RRM2: variants seen among roughly 807,000 people sequenced by gnomAD.
RRM2 encodes the protein ribonucleoside-diphosphate reductase subunit M2.
Under a neutral mutation model 45.9 loss-of-function variants are expected in RRM2, and 6 were observed. That is an observed-to-expected ratio of 0.13 (90% CI 0.07 to 0.26). The LOEUF (loss-of-function observed/expected upper bound fraction) is 0.26, where lower values mean the gene tolerates loss of function less well. Among genes scored for constraint, RRM2 ranks in the 10% least tolerant of loss-of-function variants. RRM2 has a pLI of 1.00. For synonymous variants in RRM2, 177 were observed against 173.0 expected (o/e 1.02, Z -0.18); for missense variants, 343 against 489.5 (o/e 0.70, Z 2.82).
intron 3 of RRM2, chr2:10,155,261 A>G (rs997112183): frequency 1.5e-5 from 3 of 195,832 alleles, no homozygotes; most frequent in Non-Finnish European, 3.2e-5. Flanking sequence ...GAAAATGGTT[A>G]GATAAATTGC....
intron 3 of RRM2, among the ~76,000 whole-genome samples, chr2:10,159,519 AGG>A (rs1228705214): frequency 6.6e-6 from 1 of 152,202 alleles, no homozygotes; most frequent in Non-Finnish European, 1.5e-5. Context: ...GATCAGACAC[AGG>A]GTCTTTCCAC....
chr2:10,126,185 AAAAAAAAGC>A (rs2125306929), intron 5 of RRM2, among the ~76,000 whole-genome samples: 1 of 40,022 alleles, frequency 2.5e-5, no homozygotes, highest in South Asian at 6.7e-4. Context: ...AAAAAAAAAA[AAAAAAAAGC>A]TGCCCAATGT....
At chr2:10,152,301 T>G (rs968691210) in intron 3 of RRM2, among the ~76,000 whole-genome samples, 1 of 152,140 alleles carries the variant, frequency 6.6e-6, no homozygotes, top group Non-Finnish European at 1.5e-5. Context: ...TTAACAGCTC[T>G]TTATTCTAGT....
chr2:10,132,336 C>G (rs1662917344), downstream of RRM2, among the ~76,000 whole-genome samples: 1 of 152,080 alleles, frequency 6.6e-6, no homozygotes, highest in South Asian at 2.1e-4. Context: ...ATGAGTAGAT[C>G]TGAATTGTTG....
At chr2:10,151,354 G>A (rs1040168340) in intron 3 of RRM2, among the ~76,000 whole-genome samples, 3 of 149,130 alleles carry the variant, frequency 2.0e-5, no homozygotes, top group Non-Finnish European at 4.4e-5. Context: ...CTGGAGTGCA[G>A]TGGTGCGATC....
intron 3 of RRM2, among the ~76,000 whole-genome samples, chr2:10,180,568 C>G (rs4669549): frequency 6.6e-6 from 1 of 151,968 alleles, no homozygotes. Context: ...CTTCTCCCCT[C>G]TGGATGAACC....
At chr2:10,150,987 G>T (rs1663301127) in intron 3 of RRM2, among the ~76,000 whole-genome samples, 1 of 151,486 alleles carries the variant, frequency 6.6e-6, no homozygotes, top group Admixed American at 6.6e-5. Flanking sequence ...CTAATTTTTT[G>T]TATTTTTAGT....
chr2:10,202,314 G>T (rs1664582052), intron 3 of RRM2, among the ~76,000 whole-genome samples: 1 of 152,122 alleles, frequency 6.6e-6, no homozygotes, highest in African/African-American at 2.4e-5. Flanking sequence ...TACATACCTT[G>T]CATGTAAGGA....
Position 10,195,384 on chromosome 2 carries a change from G to A in RRM2, n.483-14927G>A, listed in dbSNP as rs1019021207. 2.0e-5 allele frequency among the ~76,000 whole-genome samples: 3 copies of A among 151,970 alleles called. No individual in the cohort carries two copies. The highest frequency in any genetic ancestry group is 2.9e-5 in the Non-Finnish European group (2 of 67,978). ...AAGAGCGGACACAGGGCCTCTGAGC[G>A]GACAGTGCTGGCGGAGCCCTGGGGA... On this transcript the variant is annotated intron_variant and non_coding_transcript_variant, in intron 3 of 3. Coordinates refer to the RRM2 transcript ENST00000381786. The surrounding 1 kb of genome is among the most constrained non-coding windows in gnomAD (Gnocchi z 4.9).
At chr2:10,177,696 TTC>T (rs1663948955) in intron 3 of RRM2, among the ~76,000 whole-genome samples, 1 of 149,700 alleles carries the variant, frequency 6.7e-6, no homozygotes, top group Non-Finnish European at 1.5e-5. Flanking sequence ...CCTTCCTTCC[TTC>T]CTTCCTTCCT....
chr2:10,139,452 A>G (rs563698390), upstream of RRM2, among the ~76,000 whole-genome samples: 2 of 152,360 alleles, frequency 1.3e-5, no homozygotes, highest in African/African-American at 4.8e-5. Flanking sequence ...GGCATTAAAA[A>G]GAGACTTGTG....
At position 10,169,087 on chromosome 2, in the gene RRM2, C is replaced by T. The variant is rs1299194589; in HGVS notation, n.482+26712C>T. 6.6e-6 allele frequency among the ~76,000 whole-genome samples: 1 copy of T among 152,234 alleles called. No individual in the cohort carries two copies. The highest frequency in any genetic ancestry group is 1.9e-4 in the East Asian group (1 of 5,188). On this transcript the variant is annotated intron_variant and non_coding_transcript_variant, in intron 3 of 3. Transcript: ENST00000381786. The surrounding 1 kb of genome is among the most constrained non-coding windows in gnomAD (Gnocchi z 5.1). ...TCCCAGGCTCAAGCCATCCTTCCAC[C>T]TCAGCCTTCCAAGTAGCTGGGACTA... is the stretch of plus-strand genomic sequence containing the variant.
intron 3 of RRM2, among the ~76,000 whole-genome samples, chr2:10,161,455 G>A (rs902024395): frequency 6.6e-6 from 1 of 152,196 alleles, no homozygotes; most frequent in East Asian, 1.9e-4. Context: ...CCGCGTGCAC[G>A]AGGGGCACAG....
chr2:10,183,454 C>T (rs569431308), intron 3 of RRM2, among the ~76,000 whole-genome samples: 16 of 152,324 alleles, frequency 1.1e-4, no homozygotes, highest in Admixed American at 7.2e-4. Flanking sequence ...TGGGCCAGCC[C>T]GGCTCATCCC....
chr2:10,122,954 G>T (rs370831080), intron 1 of RRM2, 29 bp from the exon 2 acceptor site: 4 of 1,546,466 alleles, frequency 2.6e-6, no homozygotes, highest in Non-Finnish European at 2.6e-6. Flanking sequence ...AAGCGAAGCC[G>T]CTCCTCACTC....
At chr2:10,174,746 A>T (rs1663877424) in intron 3 of RRM2, among the ~76,000 whole-genome samples, 1 of 152,076 alleles carries the variant, frequency 6.6e-6, no homozygotes, top group Admixed American at 6.5e-5. Flanking sequence ...ACATGCCTGT[A>T]ATTTCAGGTA....
chr2:10,182,578 G>A (rs983648299), intron 3 of RRM2, among the ~76,000 whole-genome samples: 3 of 152,140 alleles, frequency 2.0e-5, no homozygotes, highest in Non-Finnish European at 2.9e-5. Context: ...TGAGGGGATC[G>A]CTTCAGCCCA....
rs112904426 is a variant in RRM2 at position 10,195,837 on chromosome 2, G to T, written n.483-14474G>T. On this transcript the variant is annotated intron_variant and non_coding_transcript_variant, in intron 3 of 3. Transcript: ENST00000381786. This position sits in a 1 kb window ranked among gnomAD's most constrained non-coding sequence, Gnocchi z 4.9. ...TGGCCGATGCTGTGTTAGGATAAAC[G>T]TGCTAAGGAGGCTCTGGAAAAGAAT... Among the ~76,000 whole-genome samples, 1 of 152,268 alleles carries T rather than the reference G, an allele frequency of 6.6e-6. No homozygotes were observed. Among genetic ancestry groups the T allele is most frequent in the South Asian group, 2.1e-4 (1 of 4,826 alleles).
chr2:10,189,955 T>C (rs72788347), intron 3 of RRM2, among the ~76,000 whole-genome samples: 48,118 of 151,854 alleles, frequency 0.32, 9,217 homozygotes, highest in Non-Finnish European at 0.44. Context: ...ATAATGGTGG[T>C]GATGGTGGTA....
Sources: allele counts gnomAD v4.1 joint callset (sites outside exome capture counted in the v4.1 genomes callset), GRCh38; gene constraint gnomAD v4.1.1; non-coding constraint Gnocchi (gnomAD v3.1); transcripts MANE v1.5; gene names NCBI Gene and HGNC (gene_info 2026-07-23, HGNC 2026-07-21).